TENM4: variants seen among roughly 807,000 people sequenced by gnomAD.
The protein encoded by TENM4 is teneurin-4.
Under a neutral mutation model 243.3 loss-of-function variants are expected in TENM4, and 82 were observed. The observed-to-expected ratio is 0.34, with a 90% CI of 0.28 to 0.40. The LOEUF (loss-of-function observed/expected upper bound fraction) is 0.40, where lower values mean the gene tolerates loss of function less well. Among genes scored for constraint, TENM4 ranks in the 10% least tolerant of loss-of-function variants. TENM4 has a pLI of 1.00. For missense variants in TENM4, 3,138 were observed against 3,673.3 expected, an observed-to-expected ratio of 0.85 and a Z score of 3.77; for synonymous variants, 1,412 against 1,456.3, an observed-to-expected ratio of 0.97 and a Z score of 0.69.
At chr11:78,724,067 CCTTTTCTTTTTT>C (rs1328767248) in intron 23 of TENM4, among the ~76,000 whole-genome samples, 1 of 151,408 alleles carries the variant, frequency 6.6e-6, no homozygotes, top group Non-Finnish European at 1.5e-5. Flanking sequence ...TCCTCTCTCT[CCTTTTCTTTTTT>C]CTTTTCTTTC....
chr11:79,143,769 C>T (rs1387213462), intron 4 of TENM4, among the ~76,000 whole-genome samples: 1 of 151,492 alleles, frequency 6.6e-6, no homozygotes, highest in African/African-American at 2.4e-5. Flanking sequence ...AAACTAGATC[C>T]CTACCTCTCA....
At chr11:79,367,893 G>A (rs527575457) in intron 1 of TENM4, among the ~76,000 whole-genome samples, 1 of 152,180 alleles carries the variant, frequency 6.6e-6, no homozygotes, top group Non-Finnish European at 1.5e-5. Flanking sequence ...TTATTTCTGA[G>A]GATCAAGAGT....
intron 4 of TENM4, among the ~76,000 whole-genome samples, chr11:79,083,160 A>G (rs921223279): frequency 6.6e-6 from 1 of 152,164 alleles, no homozygotes; most frequent in African/African-American, 2.4e-5. Context: ...GGCAGTCTGA[A>G]TGGAGAAGAG....
chr11:79,366,998 A>G (rs1182134198), intron 1 of TENM4, among the ~76,000 whole-genome samples: 2 of 152,226 alleles, frequency 1.3e-5, no homozygotes, highest in African/African-American at 4.8e-5. Flanking sequence ...ATAATAATAC[A>G]ATAGGTATCA....
At chr11:78,777,834 T>TAA (rs1856767470) in intron 17 of TENM4, among the ~76,000 whole-genome samples, 1 of 152,180 alleles carries the variant, frequency 6.6e-6, no homozygotes, top group African/African-American at 2.4e-5. Context: ...TCAAGGAGCT[T>TAA]AGAGTCTTTT....
intron 3 of TENM4, among the ~76,000 whole-genome samples, chr11:79,186,909 C>T (rs1863391053): frequency 6.6e-6 from 1 of 152,168 alleles, no homozygotes; most frequent in Non-Finnish European, 1.5e-5. Flanking sequence ...GATTCTCTGG[C>T]TATTGGCTTT....
intron 32 of TENM4, among the ~76,000 whole-genome samples, chr11:78,665,886 G>T (rs1858145063): frequency 6.6e-6 from 1 of 152,106 alleles, no homozygotes; most frequent in South Asian, 2.1e-4. Flanking sequence ...GTAATTATAG[G>T]GAAGTTGAAT....
chr11:78,695,194 G>A (rs1410329118), intron 28 of TENM4, among the ~76,000 whole-genome samples: 1 of 152,050 alleles, frequency 6.6e-6, no homozygotes, highest in East Asian at 1.9e-4. Context: ...GACTGCAGGT[G>A]TGTGCCACTA....
Position 78,805,310 on chromosome 11 carries a change from C to G in TENM4, c.2161G>C (p.Gly721Arg), listed in dbSNP as rs763798753. 1 of 1,371,662 alleles carries G rather than the reference C, an allele frequency of 7.3e-7. No individual in the cohort carries two copies. Among genetic ancestry groups the G allele is most frequent in the Admixed American group, 2.0e-5 (1 of 50,944 alleles). 85.0% of individuals were successfully genotyped at this position (1,371,662 alleles called of 1,614,324 possible). A position where few individuals can be genotyped will look rare whatever the true frequency, so the allele number is the denominator to read the frequency against. The change falls in exon 15 of 34, where the codon GGA (glycine) becomes CGA (arginine). Residue 721 changes from glycine (G) to arginine (R), a missense_variant. This residue lies in a region of TENM4 where 2,467 missense variants were observed against 3,059.1 expected (regional missense o/e 0.81). Transcript: ENST00000278550. Reference sequence around the variant, plus strand: ...CATTTACCGATAGAACAGTCGTGTCCAGTCCAGCTTGGGTCACAGCTGCAA... The same window carrying G: ...CATTTACCGATAGAACAGTCGTGTCGAGTCCAGCTTGGGTCACAGCTGCAA... ...GLCSCDPSWTGHDCSIEICAA... is the reference protein window; with the variant it reads ...GLCSCDPSWTRHDCSIEICAA...
intron 6 of TENM4, among the ~76,000 whole-genome samples, chr11:79,037,033 A>G (rs934831576): frequency 5.4e-5 from 5 of 91,930 alleles, no homozygotes; most frequent in Non-Finnish European, 8.4e-5. Context: ...AAAAAAAAAA[A>G]AAAAAAAAAA....
chr11:78,968,142 A>G (rs1857473648), intron 6 of TENM4, among the ~76,000 whole-genome samples: 1 of 151,898 alleles, frequency 6.6e-6, no homozygotes, highest in Non-Finnish European at 1.5e-5. Context: ...GGCTCTCTAT[A>G]CTCATGCTCT....
chr11:79,355,272 C>T (rs991964114), intron 1 of TENM4, among the ~76,000 whole-genome samples: 1 of 152,184 alleles, frequency 6.6e-6, no homozygotes, highest in African/African-American at 2.4e-5. Flanking sequence ...GTGACTCACA[C>T]CTGCAATCCC....
chr11:78,856,039 T>G lies in TENM4; in HGVS notation c.1395A>C (p.Lys465Asn). The G allele has an allele frequency of 6.4e-7, 1 of 1,551,728 alleles. No homozygotes were observed. The highest frequency in any genetic ancestry group is 8.7e-7 in the Non-Finnish European group (1 of 1,146,998). The change falls in exon 11 of 34, where the codon AAA (lysine) becomes AAC (asparagine). Residue 465 changes from lysine (K) to asparagine (N), a missense_variant. Lys to Asn is a moderately conservative substitution (Grantham distance 94). Transcript: ENST00000278550. Reference sequence around the variant, plus strand: ...CTGCCTTTCCCAGAGACACATTGAATTTCAGATGCACAGGATGGTCTATGA... The same window carrying G: ...CTGCCTTTCCCAGAGACACATTGAAGTTCAGATGCACAGGATGGTCTATGA... Reference protein sequence around the residue: ...QVFIDHPVHLKFNVSLGKAAL... With the variant: ...QVFIDHPVHLNFNVSLGKAAL...
intron 3 of TENM4, among the ~76,000 whole-genome samples, chr11:79,214,855 C>T (rs923904449): frequency 6.6e-5 from 10 of 152,220 alleles, no homozygotes; most frequent in Non-Finnish European, 1.2e-4. Context: ...TCAGCCTGGT[C>T]GCTAAGTCAC....
chr11:79,358,170 C>G (rs570222834), intron 1 of TENM4, among the ~76,000 whole-genome samples: 1 of 152,206 alleles, frequency 6.6e-6, no homozygotes, highest in Non-Finnish European at 1.5e-5. Context: ...GAGGAATCCT[C>G]CCAGGTGCCT....
chr11:79,438,970 A>G lies in TENM4; in HGVS notation c.-321+1539T>C, dbSNP rs1056866949. 6.6e-6 allele frequency: 1 copy of G among 151,898 alleles called. No homozygotes were observed. The highest frequency in any genetic ancestry group is 1.5e-5 in the Non-Finnish European group (1 of 68,000). 9.4% of individuals were successfully genotyped at this position (151,898 alleles called of 1,614,324 possible). A position where few individuals can be genotyped will look rare whatever the true frequency, so the allele number is the denominator to read the frequency against. The stretch of plus-strand genomic sequence containing the variant: ...GGCGCCCCGGTACTTACACTCCCCA[A>G]GCAGGCAAACTTTCAGGCTTGTCTT... On this transcript the variant is annotated intron_variant, in intron 1 of 33. Coordinates refer to ENST00000278550, the MANE Select transcript of TENM4 (RefSeq NM_001098816.3). This position sits in a 1 kb window ranked among gnomAD's most constrained non-coding sequence, Gnocchi z 4.1.
rs780946140 is a variant in TENM4 at position 78,658,711 on chromosome 11, C to G, written c.7657G>C (p.Ala2553Pro). The change falls in exon 34 of 34, where the codon GCT (alanine) becomes CCT (proline). Residue 2553 changes from alanine (A) to proline (P), a missense_variant. Around this residue, in one of 2 missense-constraint regions of TENM4, gnomAD observed 2,467 missense variants for 3,059.1 expected, o/e 0.81. Transcript: ENST00000278550. ...GATGCAAACTTCTTGGTCTTTGGAG[C>G]CTGCTGGCAGCTGGTGATTGTGGAG... The part of the protein sequence containing the change: ...YGSTITSCQQ[A>P]PKTKKFASSG... The G allele has an allele frequency of 5.0e-6, 8 of 1,614,008 alleles. No homozygotes were observed. In the South Asian group the frequency reaches 6.6e-5, roughly 13 times the overall value.
intron 4 of TENM4, among the ~76,000 whole-genome samples, chr11:79,147,583 A>G (rs1862417606): frequency 6.6e-6 from 1 of 152,008 alleles, no homozygotes; most frequent in African/African-American, 2.4e-5. Context: ...TTCTCTCCTT[A>G]TGAGAGTCTC....
intron 4 of TENM4, among the ~76,000 whole-genome samples, chr11:79,095,099 G>A (rs866531754): frequency 3.3e-5 from 5 of 152,142 alleles, no homozygotes; most frequent in Non-Finnish European, 7.4e-5. Context: ...GTGGGGAGAG[G>A]GGGGTGAAGG....
Sources: allele counts gnomAD v4.1 joint callset (sites outside exome capture counted in the v4.1 genomes callset), GRCh38; gene constraint gnomAD v4.1.1; regional missense constraint gnomAD v4.1.1; non-coding constraint Gnocchi (gnomAD v3.1); transcripts MANE v1.5; gene names NCBI Gene and HGNC (gene_info 2026-07-23, HGNC 2026-07-21).